Variants in FANCE observed in about 807,000 individuals in gnomAD.
FANCE encodes FA complementation group E, also known as Fanconi anemia group E protein.
A neutral mutation model predicts 57.8 loss-of-function variants in FANCE; 42 were observed. The observed-to-expected ratio is 0.73, with a 90% CI of 0.57 to 0.94. The LOEUF is 0.94. Among genes scored for constraint, FANCE ranks in the 40% least tolerant of loss-of-function variants. The pLI is 0.00. For synonymous variants in FANCE, 251 were observed against 286.4 expected (o/e 0.88, Z 1.25); for missense variants, 608 against 661.8 (o/e 0.92, Z 0.89).
chr6:35,466,204 C>A, intron 9 of FANCE, 40 bp from the exon 10 acceptor site: 1 of 1,274,568 alleles, frequency 7.8e-7, no homozygotes, highest in Non-Finnish European at 1.1e-6. Flanking sequence ...CGGGAGGGAT[C>A]AGTTGCTGGA....
chr6:35,466,135 C>T (rs1767824080), intron 9 of FANCE, 109 bp from the exon 10 acceptor site: 3 of 784,738 alleles, frequency 3.8e-6, no homozygotes, highest in Non-Finnish European at 6.9e-6. Flanking sequence ...GAGTCTCCTC[C>T]TCTTTCCATC....
At position 35,452,458 on chromosome 6, in the gene FANCE, G is replaced by A; in HGVS notation, c.-88G>A. 1 of 1,175,162 alleles carries A rather than the reference G, an allele frequency of 8.5e-7. No homozygotes were observed. The highest frequency in any genetic ancestry group is 1.1e-6 in the Non-Finnish European group (1 of 944,074). 72.8% of individuals were successfully genotyped at this position (1,175,162 alleles called of 1,614,324 possible). ...AGCTGGCCCGCCACCGCCGCGTCAG[G>A]GACGGCGCTGGAGTCCTCCGTTCCC... is the stretch of plus-strand genomic sequence containing the variant. On this transcript the variant is annotated 5_prime_UTR_variant, in exon 1 of 10. Transcript: ENST00000229769.
intron 3 of FANCE, 39 bp downstream of exon 3, chr6:35,457,639 A>C (rs13214239): frequency 6.2e-6 from 10 of 1,609,072 alleles, no homozygotes; most frequent in Non-Finnish European, 8.5e-6. Context: ...CCTTTCTTCC[A>C]TCTTCTACCC....
At chr6:35,457,137 T>C (rs1269649351) in intron 2 of FANCE, among the ~76,000 whole-genome samples, 2 of 152,036 alleles carry the variant, frequency 1.3e-5, no homozygotes, top group African/African-American at 4.8e-5. Flanking sequence ...TTTTTTTTTT[T>C]CTCCTCGAGA....
At position 35,462,785 on chromosome 6, in the gene FANCE, G is replaced by A. The variant is rs1287821966; in HGVS notation, c.1384-4G>A. Reference sequence around the variant, plus strand: ...ATTACTGCTCCATCTCCCAATGTGTGCAGGTGGAGATGACCCCTGAGAAGT... The same window carrying A: ...ATTACTGCTCCATCTCCCAATGTGTACAGGTGGAGATGACCCCTGAGAAGT... On this transcript the variant is annotated splice_region_variant and splice_polypyrimidine_tract_variant and intron_variant, in intron 8 of 9. Transcript: ENST00000229769. 1 of 1,614,112 alleles carries A rather than the reference G, an allele frequency of 6.2e-7. No homozygotes were observed. Among genetic ancestry groups the A allele is most frequent in the Non-Finnish European group, 8.5e-7 (1 of 1,179,964 alleles).
chr6:35,462,924 G>A lies in FANCE; in HGVS notation c.1509+10G>A, dbSNP rs1408703516. 6.2e-7 allele frequency: 1 copy of A among 1,614,120 alleles called. No individual in the cohort carries two copies. Among genetic ancestry groups the A allele is most frequent in the African/African-American group, 1.3e-5 (1 of 75,074 alleles). On this transcript the variant is annotated intron_variant, in intron 9 of 9. Transcript: ENST00000229769. ...CAAGTATCAGGCTAACGTGAGTATT[G>A]ATAGGGCCTTGGGGCTGGTCCTGCT...
chr6:35,465,164 T>C (rs1767779500), intron 9 of FANCE, among the ~76,000 whole-genome samples: 1 of 151,834 alleles, frequency 6.6e-6, no homozygotes, highest in African/African-American at 2.4e-5. Flanking sequence ...AGGAGCTGTA[T>C]ATATGTATGT....
chr6:35,455,774 GA>G lies in FANCE; in HGVS notation c.277del (p.Ile93TyrfsTer6). 4.3e-6 allele frequency: 7 copies of G among 1,614,130 alleles called. No homozygotes were observed. The highest frequency in any genetic ancestry group is 5.9e-6 in the Non-Finnish European group (7 of 1,180,028). ...LKPLLLRLPR[I>X]CQRNLMSLLM... ...AACCACTGTTGCTGCGATTGCCCCG[GA>G]TATGCCAGAGGAACCTGATGTCCCT... is the stretch of plus-strand genomic sequence containing the variant. On this transcript the variant is annotated frameshift_variant, in exon 2 of 10. Coordinates refer to ENST00000229769, the MANE Select transcript of FANCE (RefSeq NM_021922.3). LOFTEE classifies it high-confidence loss of function.
Position 35,466,734 on chromosome 6 carries a change from T to G in FANCE, c.*389T>G, listed in dbSNP as rs1255767670. On this transcript the variant is annotated 3_prime_UTR_variant, in exon 10 of 10. Transcript: ENST00000229769. The stretch of plus-strand genomic sequence containing the variant: ...CACATGACACTATGCCCAGCTAATT[T>G]TTTATTTTGTAGATAATATGCTGGT... 21 of 363,982 alleles carry G rather than the reference T, an allele frequency of 5.8e-5. No individual in the cohort carries two copies. In the East Asian group the frequency reaches 8.3e-4, roughly 14 times the overall value. The allele number at this position is 363,982 out of a possible 1,614,324, so 22.5% of individuals were successfully genotyped here. A position where few individuals can be genotyped will look rare whatever the true frequency, so the allele number is the denominator to read the frequency against.
intron 1 of FANCE, 40 bp downstream of exon 1, chr6:35,452,833 C>CG (rs1158468366): frequency 1.2e-4 from 151 of 1,286,536 alleles, no homozygotes; most frequent in Non-Finnish European, 1.4e-4. Flanking sequence ...GTATGGGAGG[C>CG]GGGGGGCTGT....
intron 8 of FANCE, among the ~76,000 whole-genome samples, chr6:35,462,530 G>A (rs1767633596): frequency 6.6e-6 from 1 of 152,146 alleles, no homozygotes; most frequent in African/African-American, 2.4e-5. Flanking sequence ...CCTAATCTGA[G>A]CCTTTGCAAT....
intron 8 of FANCE, 97 bp from the exon 9 acceptor site, chr6:35,462,692 C>T: frequency 6.5e-7 from 1 of 1,549,012 alleles, no homozygotes; most frequent in Middle Eastern, 1.8e-4. Flanking sequence ...GGTCACCTAG[C>T]TAGGAAGTGG....
intron 9 of FANCE, among the ~76,000 whole-genome samples, chr6:35,466,042 C>T (rs1018374692): frequency 1.3e-5 from 2 of 152,140 alleles, no homozygotes; most frequent in Non-Finnish European, 2.9e-5. Flanking sequence ...CTAATGTGGC[C>T]GGCTTAGTAA....
rs747704642 is a variant in FANCE, at chr6:35,466,232, C to G, written c.1510-12C>G. 3.8e-6 allele frequency: 6 copies of G among 1,572,626 alleles called. No homozygotes were observed. The Admixed American group carries it at 1.0e-4, about 26-fold the overall frequency. Reference sequence around the variant, plus strand: ...TTGCTGGAGTCCTGACATGATTTTTCCTTCTCCCCAGATCACTGAGACCCA... The same window carrying G: ...TTGCTGGAGTCCTGACATGATTTTTGCTTCTCCCCAGATCACTGAGACCCA... On this transcript the variant is annotated splice_polypyrimidine_tract_variant and intron_variant, in intron 9 of 9. Coordinates refer to ENST00000229769, the MANE Select transcript of FANCE (RefSeq NM_021922.3).
intron 4 of FANCE, 53 bp downstream of exon 4, chr6:35,458,037 T>G: frequency 2.0e-6 from 3 of 1,531,572 alleles, no homozygotes; most frequent in Non-Finnish European, 2.7e-6. Flanking sequence ...TCCCTTATCT[T>G]TTTCTATTTA....
rs145549434 is a variant in FANCE, at chr6:35,458,328, C to T, written c.1001C>T (p.Pro334Leu). The T allele has an allele frequency of 6.2e-7, 1 of 1,614,024 alleles. No homozygotes were observed. Among genetic ancestry groups the T allele is most frequent in the Non-Finnish European group, 8.5e-7 (1 of 1,180,040 alleles). The change falls in exon 5 of 10, where the codon CCT (proline) becomes CTT (leucine). Residue 334 changes from proline (P) to leucine (L), a missense_variant. By Grantham distance (98) the Pro-to-Leu change is moderately conservative. Transcript: ENST00000229769. Reference protein sequence around the residue: ...MDLLCAQLQLPQLSDLGLLRL... With the variant: ...MDLLCAQLQLLQLSDLGLLRL... The stretch of plus-strand genomic sequence containing the variant: ...TTGCTGTGTGCCCAGCTGCAGCTCC[C>T]TCAGCTCTCAGACCTCGGTCTCCTG...
chr6:35,457,450 C>A (rs936929959), intron 2 of FANCE, 106 bp from the exon 3 acceptor site: 99 of 1,253,306 alleles, frequency 7.9e-5, no homozygotes, highest in Non-Finnish European at 1.1e-4. Context: ...TCTTTGCCAG[C>A]TAGCTCCCAC....
intron 5 of FANCE, among the ~76,000 whole-genome samples, chr6:35,458,920 A>G (rs1331631238): frequency 6.6e-6 from 1 of 152,072 alleles, no homozygotes; most frequent in Non-Finnish European, 1.5e-5. Flanking sequence ...AGCTGGGACT[A>G]CAGGCACCCA....
chr6:35,458,349 T>C lies in FANCE; in HGVS notation c.1022T>C (p.Leu341Pro), dbSNP rs1305185634. 1 of 1,614,034 alleles carries C rather than the reference T, an allele frequency of 6.2e-7. No individual in the cohort carries two copies. Among genetic ancestry groups the C allele is most frequent in the Non-Finnish European group, 8.5e-7 (1 of 1,180,050 alleles). Residue 341 changes from leucine (L) to proline (P), a missense_variant, in exon 5 of 10, where the codon CTC (leucine) becomes CCC (proline). Transcript: ENST00000229769. The part of the protein sequence containing the change: ...LQLPQLSDLG[L>P]LRLCTWLLAL... ...CTCCCTCAGCTCTCAGACCTCGGTCTCCTGCGGCTCTGCACCTGGCTGCTG... is the reference window on the plus strand; with the variant it reads ...CTCCCTCAGCTCTCAGACCTCGGTCCCCTGCGGCTCTGCACCTGGCTGCTG...
Sources: allele counts gnomAD v4.1 joint callset (sites outside exome capture counted in the v4.1 genomes callset), GRCh38; gene constraint gnomAD v4.1.1; transcripts MANE v1.5; gene names NCBI Gene and HGNC (gene_info 2026-07-23, HGNC 2026-07-21).